ASIC2: variants seen among roughly 807,000 people sequenced by gnomAD.
ASIC2 encodes the protein acid sensing ion channel subunit 2.
Under a neutral mutation model 57.3 loss-of-function variants are expected in ASIC2, and 25 were observed. The observed-to-expected ratio is 0.44, with a 90% CI of 0.32 to 0.61. The LOEUF (loss-of-function observed/expected upper bound fraction) is 0.61. Ranked by LOEUF, ASIC2 falls within the 20% of genes least tolerant of loss-of-function variation. The pLI is 0.06. For missense variants in ASIC2, 641 were observed against 738.1 expected (o/e 0.87, Z 1.52); for synonymous variants, 319 against 307.5 (o/e 1.04, Z -0.39).
intron 1 of ASIC2, among the ~76,000 whole-genome samples, chr17:33,509,983 G>A (rs1914383437): frequency 6.6e-6 from 1 of 152,200 alleles, no homozygotes; most frequent in Admixed American, 6.5e-5. Context: ...ACTGTAGTGG[G>A]GTTATGGAAA....
chr17:33,445,100 C>T (rs896351722), intron 1 of ASIC2, among the ~76,000 whole-genome samples: 5 of 152,106 alleles, frequency 3.3e-5, no homozygotes, highest in African/African-American at 1.2e-4. Context: ...AGTAGCCAAA[C>T]CTCCTAAAGC....
chr17:33,039,567 T>C (rs2091922333), intron 3 of ASIC2, among the ~76,000 whole-genome samples: 1 of 152,222 alleles, frequency 6.6e-6, no homozygotes, highest in African/African-American at 2.4e-5. Flanking sequence ...CAGAGGATGC[T>C]GTGATTTTTG....
intron 2 of ASIC2, among the ~76,000 whole-genome samples, chr17:33,092,996 C>T (rs112100465): frequency 1.1e-4 from 16 of 152,196 alleles, no homozygotes; most frequent in South Asian, 1.0e-3. Context: ...ACACCAGCAC[C>T]GCATAATTCA....
intron 1 of ASIC2, among the ~76,000 whole-genome samples, chr17:33,713,678 T>C (rs1909124763): frequency 6.6e-6 from 1 of 152,224 alleles, no homozygotes; most frequent in Non-Finnish European, 1.5e-5. Context: ...AGACGTGAAT[T>C]TGAGGGCAAT....
chr17:33,070,708 A>G (rs1006916181), intron 3 of ASIC2, among the ~76,000 whole-genome samples: 5 of 152,184 alleles, frequency 3.3e-5, no homozygotes, highest in East Asian at 1.9e-4. Flanking sequence ...TTTTGTGTGA[A>G]CCCATATTTC....
chr17:34,060,094 CA>C (rs1908917496), intron 1 of ASIC2, among the ~76,000 whole-genome samples: 1 of 152,184 alleles, frequency 6.6e-6, no homozygotes, highest in South Asian at 2.1e-4. Context: ...GAGTCCATTG[CA>C]CCATCTGCCA....
intron 1 of ASIC2, among the ~76,000 whole-genome samples, chr17:33,536,431 C>G (rs1277321231): frequency 6.6e-6 from 1 of 152,110 alleles, no homozygotes; most frequent in African/African-American, 2.4e-5. Context: ...TTTAGGCGGC[C>G]CATGGTGGAG....
At chr17:33,875,811 C>A (rs382170) in intron 1 of ASIC2, among the ~76,000 whole-genome samples, 3 of 151,382 alleles carry the variant, frequency 2.0e-5, no homozygotes, top group Admixed American at 2.0e-4. Context: ...TTTTAAAGAA[C>A]AATCTCCTTG....
chr17:33,897,614 C>T (rs971953486), intron 1 of ASIC2, among the ~76,000 whole-genome samples: 1 of 152,276 alleles, frequency 6.6e-6, no homozygotes, highest in Non-Finnish European at 1.5e-5. Flanking sequence ...TAAAACTGCA[C>T]TTGCAGCAAA....
intron 1 of ASIC2, chr17:34,001,149 TA>T (rs1567783509): frequency 6.6e-6 from 1 of 152,236 alleles, no homozygotes; most frequent in Non-Finnish European, 1.5e-5. Flanking sequence ...TGAATATACA[TA>T]ATCCTTGTTG....
chr17:33,751,098 C>T (rs1476334463), intron 1 of ASIC2, among the ~76,000 whole-genome samples: 1 of 152,048 alleles, frequency 6.6e-6, no homozygotes, highest in Non-Finnish European at 1.5e-5. Context: ...AGGGTAGGGA[C>T]GGGTGGGGAG....
At chr17:33,490,945 C>T (rs1913736167) in intron 1 of ASIC2, among the ~76,000 whole-genome samples, 1 of 152,130 alleles carries the variant, frequency 6.6e-6, no homozygotes, top group Admixed American at 6.5e-5. Context: ...CAACTGATAC[C>T]TCCACCTGAA....
intron 1 of ASIC2, among the ~76,000 whole-genome samples, chr17:33,900,360 G>A (rs894042148): frequency 1.3e-5 from 2 of 152,096 alleles, no homozygotes; most frequent in African/African-American, 4.8e-5. Context: ...TAGGGTCTCT[G>A]CTGAGACACC....
chr17:33,644,668 G>A (rs896492478), intron 1 of ASIC2, among the ~76,000 whole-genome samples: 1 of 152,198 alleles, frequency 6.6e-6, no homozygotes, highest in African/African-American at 2.4e-5. Context: ...GATAAGGTAT[G>A]TTTAGTATTA....
chr17:33,043,391 C>T (rs1025215899), intron 3 of ASIC2, among the ~76,000 whole-genome samples: 22 of 152,330 alleles, frequency 1.4e-4, no homozygotes, highest in African/African-American at 4.8e-4. Flanking sequence ...CTCTAGGAGA[C>T]TTAGCATTTT....
intron 1 of ASIC2, among the ~76,000 whole-genome samples, chr17:33,807,245 A>G (rs997679314): frequency 3.9e-5 from 6 of 152,194 alleles, no homozygotes; most frequent in Admixed American, 6.5e-5. Flanking sequence ...GTGCTCTTCA[A>G]GGAGGTTCTG....
At chr17:33,519,584 C>T (rs1393527042) in intron 1 of ASIC2, among the ~76,000 whole-genome samples, 11 of 152,170 alleles carry the variant, frequency 7.2e-5, no homozygotes, top group South Asian at 2.1e-4. Flanking sequence ...TGTTAATCAG[C>T]GCACAAGTGG....
At position 33,888,477 on chromosome 17, in the gene ASIC2, A is replaced by G. The variant is rs972289084; in HGVS notation, c.555+267501T>C. 7.6e-4 allele frequency among the ~76,000 whole-genome samples: 115 copies of G among 152,064 alleles called. 1 individual carries two copies. The highest frequency in any genetic ancestry group is 2.6e-3 in the African/African-American group (107 of 41,396). On this transcript the variant is annotated intron_variant, in intron 1 of 9. Transcript: ENST00000359872. ...CCTAACCTTCCCACTCTGTACCCCA[A>G]TTTGGCTCCAAGGCTGGGGACTCCC...
chr17:33,524,089 T>G (rs936193093), intron 1 of ASIC2, among the ~76,000 whole-genome samples: 2 of 152,184 alleles, frequency 1.3e-5, no homozygotes, highest in Non-Finnish European at 2.9e-5. Flanking sequence ...AGCATGCCCC[T>G]GGGCCAATGC....
Sources: allele counts gnomAD v4.1 joint callset (sites outside exome capture counted in the v4.1 genomes callset), GRCh38; gene constraint gnomAD v4.1.1; transcripts MANE v1.5; gene names NCBI Gene and HGNC (gene_info 2026-07-23, HGNC 2026-07-21).